RALGAPA1: variants seen among roughly 807,000 people sequenced by gnomAD.
The protein encoded by RALGAPA1 is Ral GTPase activating protein catalytic subunit alpha 1.
A neutral mutation model predicts 269.6 loss-of-function variants in RALGAPA1; 52 were observed. The observed-to-expected ratio is 0.19, with a 90% confidence interval of 0.15 to 0.24. RALGAPA1 has a LOEUF of 0.24. RALGAPA1 is among the 10% of genes least tolerant of loss of function. The pLI, the probability that RALGAPA1 is intolerant of heterozygous loss-of-function variation, is 1.00. For synonymous variants in RALGAPA1, 817 were observed against 1,008.3 expected (o/e 0.81, Z 3.60); for missense variants, 1,917 against 3,013.9 (o/e 0.64, Z 8.52).
intron 24 of RALGAPA1, among the ~76,000 whole-genome samples, chr14:35,673,572 C>T (rs2064685339): frequency 6.6e-6 from 1 of 151,934 alleles, no homozygotes; most frequent in African/African-American, 2.4e-5. Context: ...AAAAAACAAA[C>T]AAAAAAGAAT....
rs762715376 is a variant in RALGAPA1 at position 35,674,300 on chromosome 14, C to T, written c.4819-22G>A. 11 of 1,569,080 alleles carry T rather than the reference C, an allele frequency of 7.0e-6. No homozygotes were observed. The South Asian group carries it at 1.3e-4, about 18-fold the overall frequency. ...TAATCTGTAATTTTCAAATAAAAAGCAACAAACCTAAGAAAACTGTTATCT... is the reference window on the plus strand; with the variant it reads ...TAATCTGTAATTTTCAAATAAAAAGTAACAAACCTAAGAAAACTGTTATCT... On this transcript the variant is annotated intron_variant, in intron 23 of 41. Coordinates refer to ENST00000680220, the MANE Select transcript of RALGAPA1 (RefSeq NM_001346249.2).
intron 6 of RALGAPA1, 99 bp downstream of exon 6, chr14:35,760,730 A>G: frequency 1.3e-6 from 1 of 791,408 alleles, no homozygotes; most frequent in Non-Finnish European, 2.0e-6. Context: ...ATTGCCTTGG[A>G]TTACCCAGTT....
chr14:35,645,771 T>C (rs2062400323), intron 31 of RALGAPA1, among the ~76,000 whole-genome samples: 1 of 150,744 alleles, frequency 6.6e-6, no homozygotes, highest in East Asian at 1.9e-4. Flanking sequence ...GCAATGTGCA[T>C]GCCTAGTTCT....
At chr14:35,556,773 C>T (rs2055646100) in intron 39 of RALGAPA1, among the ~76,000 whole-genome samples, 1 of 152,106 alleles carries the variant, frequency 6.6e-6, no homozygotes, top group African/African-American at 2.4e-5. Context: ...TATCTAAGTC[C>T]CATGGGCTGC....
chr14:35,587,724 G>C (rs1036862297), intron 37 of RALGAPA1, among the ~76,000 whole-genome samples: 1 of 151,920 alleles, frequency 6.6e-6, no homozygotes. Context: ...GTCGTGGGGT[G>C]GGGGGAAGGG....
At chr14:35,658,275 T>C (rs1416869541) in intron 28 of RALGAPA1, among the ~76,000 whole-genome samples, 1 of 152,234 alleles carries the variant, frequency 6.6e-6, no homozygotes, top group Non-Finnish European at 1.5e-5. Context: ...AAACTGGAGC[T>C]ATGTCTTAAT....
At chr14:35,606,595 T>C (rs1440123790) in intron 35 of RALGAPA1, among the ~76,000 whole-genome samples, 1 of 152,182 alleles carries the variant, frequency 6.6e-6, no homozygotes, top group Non-Finnish European at 1.5e-5. Flanking sequence ...AAATTAAAAA[T>C]GTTTATAAAA....
At chr14:35,663,584 G>C (rs1382410308) in intron 27 of RALGAPA1, among the ~76,000 whole-genome samples, 1 of 147,516 alleles carries the variant, frequency 6.8e-6, no homozygotes, top group African/African-American at 2.5e-5. Context: ...TAAACCCTTG[G>C]GAATTTTTTT....
chr14:35,724,880 A>G (rs10133503), intron 14 of RALGAPA1, 144 bp downstream of exon 14: 75,993 of 603,402 alleles, frequency 0.13, 4,969 homozygotes, highest in Middle Eastern at 0.16. Context: ...CCCTTAATAA[A>G]TAAGAAATAA....
chr14:35,808,625 C>T, intron 1 of RALGAPA1, 105 bp downstream of exon 1: 1 of 1,249,596 alleles, frequency 8.0e-7, no homozygotes, highest in East Asian at 2.5e-5. Context: ...TACGATTTGC[C>T]CTCTCCTGCA....
At chr14:35,701,940 T>C (rs981310084) in intron 16 of RALGAPA1, among the ~76,000 whole-genome samples, 1 of 152,210 alleles carries the variant, frequency 6.6e-6, no homozygotes, top group Non-Finnish European at 1.5e-5. Flanking sequence ...TAAGTCACCA[T>C]GGCCAGTCCC....
Position 35,756,877 on chromosome 14 carries a change from A to T in RALGAPA1, c.579T>A (p.Leu193=). The change falls in exon 7 of 42, where the codon CTT becomes CTA. Residue 193 remains leucine, a synonymous_variant. Coordinates refer to ENST00000680220, the MANE Select transcript of RALGAPA1 (RefSeq NM_001346249.2). ...TQVTIEEITP[L]VPPQSGDKGQ... ...CTTTATCTCCTGATTGTGGGGGGAC[A>T]AGAGGAGTGATTTCTTCTATAGTGA... 1 of 1,611,310 alleles carries T rather than the reference A, an allele frequency of 6.2e-7. No individual in the cohort carries two copies. Among genetic ancestry groups the T allele is most frequent in the Non-Finnish European group, 8.5e-7 (1 of 1,178,634 alleles).
intron 39 of RALGAPA1, among the ~76,000 whole-genome samples, chr14:35,561,664 A>G (rs2056274548): frequency 6.6e-6 from 1 of 151,772 alleles, no homozygotes; most frequent in African/African-American, 2.4e-5. Flanking sequence ...GTGTGCCATC[A>G]TGCCTGGCTA....
In RALGAPA1 at chr14:35,558,411, T is replaced by G. The variant is rs2055840230; in HGVS notation, c.7497-9177A>C. 1.3e-5 allele frequency among the ~76,000 whole-genome samples: 2 copies of G among 152,316 alleles called. 1 individual carries two copies. Among genetic ancestry groups the G allele is most frequent in the South Asian group, 4.2e-4 (2 of 4,818 alleles). On this transcript the variant is annotated intron_variant, in intron 39 of 41. Transcript: ENST00000680220. ...TTATCTGACATGTGAATTGTGACGA[T>G]TTTATCCACTTCACCTCAATTAAAT...
At position 35,539,279 on chromosome 14, in the gene RALGAPA1, G is replaced by C; in HGVS notation, c.*435C>G. ...AAAACTACTTAGACATAATTATCTA[G>C]GAAGGTAAAGGGTGTAGAATAAAAC... is the stretch of plus-strand genomic sequence containing the variant. On this transcript the variant is annotated 3_prime_UTR_variant, in exon 42 of 42. Transcript: ENST00000680220. 1 of 228,488 alleles carries C rather than the reference G, an allele frequency of 4.4e-6. No homozygotes were observed. Among genetic ancestry groups the C allele is most frequent in the South Asian group, 1.6e-4 (1 of 6,090 alleles). The allele number at this position is 228,488 out of a possible 1,614,324, so 14.2% of individuals were successfully genotyped here. A position where few individuals can be genotyped will look rare whatever the true frequency, so the allele number is the denominator to read the frequency against.
Position 35,625,438 on chromosome 14 carries a change from T to G in RALGAPA1, c.6858-6A>C, listed in dbSNP as rs189026062. The G allele has an allele frequency of 1.9e-6, 3 of 1,586,054 alleles. No individual in the cohort carries two copies. Among genetic ancestry groups the G allele is most frequent in the Middle Eastern group, 1.8e-4 (1 of 5,502 alleles). On this transcript the variant is annotated splice_region_variant and splice_polypyrimidine_tract_variant and intron_variant, in intron 34 of 41. Transcript: ENST00000680220. ...TCAGGAGATGAAAGCTCCTCCTAAATAGAGAGATTTATAAACATTTTCATC... is the reference window on the plus strand; with the variant it reads ...TCAGGAGATGAAAGCTCCTCCTAAAGAGAGAGATTTATAAACATTTTCATC...
At chr14:35,691,573 T>G (rs10149641) in intron 17 of RALGAPA1, among the ~76,000 whole-genome samples, 1,814 of 152,310 alleles carry the variant, frequency 0.012, 34 homozygotes, top group African/African-American at 0.042. Flanking sequence ...AATTTGTTGA[T>G]TCTTACTCTA....
intron 1 of RALGAPA1, among the ~76,000 whole-genome samples, chr14:35,791,686 C>G (rs2076180059): frequency 6.6e-6 from 1 of 151,496 alleles, no homozygotes; most frequent in South Asian, 2.1e-4. Context: ...GTGGGCGGAT[C>G]ACGAGGTCAG....
intron 20 of RALGAPA1, among the ~76,000 whole-genome samples, chr14:35,684,459 C>A (rs1314146048): frequency 3.3e-5 from 5 of 152,128 alleles, no homozygotes; most frequent in Admixed American, 3.3e-4. Flanking sequence ...ACAGTGGCAA[C>A]TCATAATCAT....
Sources: gnomAD v4.1 joint callset for allele counts (sites outside exome capture counted in the v4.1 genomes callset) on GRCh38, gnomAD v4.1.1 for gene constraint, MANE v1.5 for transcripts, NCBI Gene and HGNC (gene_info 2026-07-23, HGNC 2026-07-21) for gene names.